Variants in RAB38 observed in about 807,000 individuals in gnomAD.
RAB38 encodes the protein RAB38, member RAS oncogene family, also known as ras-related protein Rab-38.
Under a neutral mutation model 18.4 loss-of-function variants are expected in RAB38, and 15 were observed. The observed-to-expected ratio is 0.82, with a 90% CI of 0.55 to 1.26. The LOEUF (loss-of-function observed/expected upper bound fraction) is 1.26. Ranked by LOEUF, RAB38 falls within the 50% of genes most tolerant of loss-of-function variation. RAB38 has a pLI of 0.00. For synonymous variants in RAB38, 101 were observed against 104.4 expected (o/e 0.97, Z 0.20); for missense variants, 294 against 267.4 (o/e 1.10, Z -0.69).
chr11:88,005,648 G>C, the RAB38 span, among the ~76,000 whole-genome samples: 3 of 149,678 alleles, frequency 2.0e-5, no homozygotes, highest in Non-Finnish European at 4.5e-5. Context: ...CCATGCTTTT[G>C]TGGTTTTATT....
chr11:88,042,710 A>G, the RAB38 span, among the ~76,000 whole-genome samples: 1 of 152,164 alleles, frequency 6.6e-6, no homozygotes, highest in Admixed American at 6.5e-5. Flanking sequence ...ACTAGAGATC[A>G]AGCCAGAGGA....
At chr11:88,021,608 T>A in the RAB38 span, among the ~76,000 whole-genome samples, 1 of 143,158 alleles carries the variant, frequency 7.0e-6, no homozygotes, top group Non-Finnish European at 1.5e-5. Context: ...TTATTTATTT[T>A]GAGACAGAGT....
chr11:87,966,855 GATCATGC>G, the RAB38 span, among the ~76,000 whole-genome samples: 1 of 152,174 alleles, frequency 6.6e-6, no homozygotes, highest in East Asian at 1.9e-4. Context: ...GTGCTGTGAT[GATCATGC>G]ATGTTCTGTT....
chr11:87,872,115 C>T, the RAB38 span, among the ~76,000 whole-genome samples: 3 of 151,496 alleles, frequency 2.0e-5, no homozygotes, highest in Non-Finnish European at 4.4e-5. Flanking sequence ...GTTCTATTTA[C>T]CTGCTGTCTT....
chr11:87,804,397 G>A, the RAB38 span, among the ~76,000 whole-genome samples: 7 of 152,088 alleles, frequency 4.6e-5, no homozygotes, highest in Non-Finnish European at 7.4e-5. Context: ...TGCATACACT[G>A]ACACCTGCTG....
At chr11:87,839,807 C>T in the RAB38 span, among the ~76,000 whole-genome samples, 11 of 152,178 alleles carry the variant, frequency 7.2e-5, no homozygotes, top group Admixed American at 7.2e-4. Flanking sequence ...TTCATATTAA[C>T]TTACTGACAA....
the RAB38 span, among the ~76,000 whole-genome samples, chr11:87,941,227 ATATATATATATATATATATG>A: frequency 8.4e-6 from 1 of 118,962 alleles, no homozygotes; most frequent in African/African-American, 3.1e-5. Context: ...ATATATATAT[ATATATATATATATATATATG>A]TAACTTCTAT....
chr11:88,038,915 T>A, the RAB38 span, among the ~76,000 whole-genome samples: 1 of 152,238 alleles, frequency 6.6e-6, no homozygotes. Context: ...TTTATTTATT[T>A]GCTATGTGCC....
chr11:88,084,510 G>T, the RAB38 span, among the ~76,000 whole-genome samples: 3,219 of 151,866 alleles, frequency 0.021, 98 homozygotes, highest in African/African-American at 0.072. Flanking sequence ...AGAAAATAAG[G>T]AGTAGGATGA....
chr11:87,977,620 G>T, the RAB38 span, among the ~76,000 whole-genome samples: 27 of 116,158 alleles, frequency 2.3e-4, no homozygotes, highest in African/African-American at 8.6e-4. Flanking sequence ...ATATAATTAT[G>T]TAATTGTATA....
intron 2 of RAB38, among the ~76,000 whole-genome samples, chr11:88,129,461 T>C (rs1490250880): frequency 6.6e-6 from 1 of 152,100 alleles, no homozygotes; most frequent in East Asian, 1.9e-4. Flanking sequence ...GCCAACATGG[T>C]GAAACCCTGT....
At chr11:87,855,599 A>G in the RAB38 span, among the ~76,000 whole-genome samples, 1 of 152,224 alleles carries the variant, frequency 6.6e-6, no homozygotes, top group Non-Finnish European at 1.5e-5. Flanking sequence ...AAAATCTAAA[A>G]TATACTTTGC....
the RAB38 span, among the ~76,000 whole-genome samples, chr11:87,929,563 G>GTT: frequency 3.4e-5 from 5 of 144,978 alleles, no homozygotes; most frequent in African/African-American, 1.3e-4. Flanking sequence ...CTTTTTTTTG[G>GTT]TTTTTTTTTT....
At chr11:88,090,934 A>T in the RAB38 span, among the ~76,000 whole-genome samples, 1 of 151,958 alleles carries the variant, frequency 6.6e-6, no homozygotes, top group Non-Finnish European at 1.5e-5. Flanking sequence ...TTTCACAAAC[A>T]TGTGTCCTGC....
chr11:87,886,828 T>TG, the RAB38 span, among the ~76,000 whole-genome samples: 3 of 151,252 alleles, frequency 2.0e-5, no homozygotes, highest in East Asian at 2.0e-4. Flanking sequence ...GCACTTGTTT[T>TG]TTTTTTTTTT....
In RAB38 at chr11:88,149,814, G is replaced by C. The variant is rs917318545; in HGVS notation, c.344C>G (p.Pro115Arg). 1 of 1,614,022 alleles carries C rather than the reference G, an allele frequency of 6.2e-7. No homozygotes were observed. Among genetic ancestry groups the C allele is most frequent in the Non-Finnish European group, 8.5e-7 (1 of 1,180,002 alleles). Residue 115 changes from proline (P) to arginine (R), a missense_variant, in exon 2 of 3, where the codon CCT becomes CGT. Physicochemically the swap from Pro to Arg is moderately radical, Grantham distance 103. Coordinates refer to ENST00000243662, the MANE Select transcript of RAB38 (RefSeq NM_022337.3). ...AACCACTGAAACCGGTTTGCCATTA[G>C]GGAGACTTAACTTGGAGTCCAAATC... The part of the protein sequence containing the change: ...KNDLDSKLSL[P>R]NGKPVSVVLL...
chr11:88,063,264 CA>C, the RAB38 span, among the ~76,000 whole-genome samples: 1 of 152,088 alleles, frequency 6.6e-6, no homozygotes, highest in East Asian at 1.9e-4. Context: ...TGTATTGCCA[CA>C]AAAACTACCT....
At chr11:87,931,559 C>A in the RAB38 span, among the ~76,000 whole-genome samples, 2 of 152,044 alleles carry the variant, frequency 1.3e-5, no homozygotes, top group African/African-American at 4.8e-5. Flanking sequence ...TACCATATGG[C>A]TGCTTCCATG....
At chr11:87,947,721 G>A in the RAB38 span, among the ~76,000 whole-genome samples, 1 of 152,032 alleles carries the variant, frequency 6.6e-6, no homozygotes, top group Non-Finnish European at 1.5e-5. Flanking sequence ...TTATTTGAGG[G>A]CTCTGTTCTG....
Sources: gnomAD v4.1 joint callset for allele counts (sites outside exome capture counted in the v4.1 genomes callset) on GRCh38, gnomAD v4.1.1 for gene constraint, MANE v1.5 for transcripts, NCBI Gene and HGNC (gene_info 2026-07-23, HGNC 2026-07-21) for gene names.